CADPS: variants seen among roughly 807,000 people sequenced by gnomAD.
CADPS encodes calcium dependent secretion activator, also known as calcium-dependent secretion activator 1.
In CADPS, 57 loss-of-function variants were observed where a neutral mutation model predicts 167.3. That is an observed-to-expected ratio of 0.34 (90% CI 0.28 to 0.42). The LOEUF (loss-of-function observed/expected upper bound fraction) is 0.42, where lower values mean the gene tolerates loss of function less well. Ranked by LOEUF, CADPS falls within the 20% of genes least tolerant of loss-of-function variation. The pLI is 1.00. For synonymous variants in CADPS, 676 were observed against 635.3 expected, an observed-to-expected ratio of 1.06 and a Z score of -0.96; for missense variants, 1,414 against 1,738.1, an observed-to-expected ratio of 0.81 and a Z score of 3.32.
rs576180551 is a variant in CADPS, at chr3:62,529,673, G to A, written c.2291+3198C>T. 2.3e-3 allele frequency among the ~76,000 whole-genome samples: 355 copies of A among 152,244 alleles called. 3 individuals are homozygous for A. The highest frequency in any genetic ancestry group is 8.2e-3 in the African/African-American group (339 of 41,538). ...TTCTTTGACCTTCCCTATTGGACCC[G>A]CATATACTGATTGACAGCCTGCCAC... On this transcript the variant is annotated intron_variant, in intron 13 of 29. Transcript: ENST00000383710.
chr3:62,433,291 C>T lies in CADPS; in HGVS notation c.3777+4813G>A, dbSNP rs907114394. On this transcript the variant is annotated intron_variant, in intron 28 of 29. Transcript: ENST00000383710. This position sits in a 1 kb window ranked among gnomAD's most constrained non-coding sequence, Gnocchi z 4.7. ...CTAGTCACACTCAATTATTGTTCTG[C>T]CACACAAACTGGACAAATACACGAT... Among the ~76,000 whole-genome samples, 11 of 152,096 alleles carry T rather than the reference C, an allele frequency of 7.2e-5. No homozygotes were observed. Among genetic ancestry groups the T allele is most frequent in the African/African-American group, 2.4e-4 (10 of 41,414 alleles).
intron 6 of CADPS, among the ~76,000 whole-genome samples, chr3:62,644,440 T>G (rs1369639120): frequency 6.6e-6 from 1 of 152,172 alleles, no homozygotes; most frequent in Non-Finnish European, 1.5e-5. Context: ...ATTGCTCCTG[T>G]GGACCGCTGA....
At chr3:62,402,732 A>G (rs1706837735) in intron 29 of CADPS, among the ~76,000 whole-genome samples, 1 of 152,242 alleles carries the variant, frequency 6.6e-6, no homozygotes. Context: ...ATTTAATTAA[A>G]CTATAAATGA....
At chr3:62,566,750 C>T (rs2080289933) in intron 9 of CADPS, among the ~76,000 whole-genome samples, 1 of 152,246 alleles carries the variant, frequency 6.6e-6, no homozygotes, top group South Asian at 2.1e-4. Context: ...GGGACTCTCA[C>T]GTCACCTCTG....
At chr3:62,852,068 G>A (rs1294934192) in intron 1 of CADPS, among the ~76,000 whole-genome samples, 2 of 145,586 alleles carry the variant, frequency 1.4e-5, no homozygotes, top group East Asian at 2.0e-4. Context: ...TGATCGCATC[G>A]GCTCCTGAGG....
intron 18 of CADPS, among the ~76,000 whole-genome samples, chr3:62,496,667 G>C (rs990590319): frequency 6.6e-6 from 1 of 152,140 alleles, no homozygotes; most frequent in Non-Finnish European, 1.5e-5. Context: ...CACTTTACAG[G>C]ATGAGAGAAG....
rs186892642 is a variant in CADPS at position 62,601,763 on chromosome 3, G to A, written c.1326-9015C>T. Reference sequence around the variant, plus strand: ...GAGTAGCAGATGATTCATATTTAGGGGGATGGGGATGACTTTTAAAGTCAC... The same window carrying A: ...GAGTAGCAGATGATTCATATTTAGGAGGATGGGGATGACTTTTAAAGTCAC... On this transcript the variant is annotated intron_variant, in intron 6 of 29. Coordinates refer to ENST00000383710, the MANE Select transcript of CADPS (RefSeq NM_003716.4). This position sits in a 1 kb window ranked among gnomAD's most constrained non-coding sequence, Gnocchi z 4.3. Among the ~76,000 whole-genome samples the A allele has an allele frequency of 6.6e-6, 1 of 152,104 alleles. No homozygotes were observed. The highest frequency in any genetic ancestry group is 1.5e-5 in the Non-Finnish European group (1 of 68,018).
At chr3:62,521,525 C>T (rs1007542474) in intron 13 of CADPS, among the ~76,000 whole-genome samples, 1 of 152,170 alleles carries the variant, frequency 6.6e-6, no homozygotes, top group African/African-American at 2.4e-5. Context: ...TTAAAACTAG[C>T]TCTGCATCTT....
intron 3 of CADPS, among the ~76,000 whole-genome samples, chr3:62,703,402 G>T (rs1185976761): frequency 6.6e-6 from 1 of 152,112 alleles, no homozygotes; most frequent in South Asian, 2.1e-4. Context: ...GGTATTTTTT[G>T]ACTTCTAGTG....
At chr3:62,652,264 T>G (rs1026903994) in intron 4 of CADPS, among the ~76,000 whole-genome samples, 1 of 152,112 alleles carries the variant, frequency 6.6e-6, no homozygotes, top group African/African-American at 2.4e-5. Flanking sequence ...GCCATATTAC[T>G]GGCCAATTTC....
intron 1 of CADPS, among the ~76,000 whole-genome samples, chr3:62,843,475 T>C (rs2076922851): frequency 7.3e-6 from 1 of 136,486 alleles, no homozygotes; most frequent in Admixed American, 7.3e-5. Flanking sequence ...TAGTGATATA[T>C]ACAAGATGGC....
At chr3:62,813,839 A>T (rs2094494060) in intron 1 of CADPS, among the ~76,000 whole-genome samples, 1 of 152,176 alleles carries the variant, frequency 6.6e-6, no homozygotes, top group South Asian at 2.1e-4. Flanking sequence ...CAAGTGGCCA[A>T]CAAACAGCAG....
Position 62,492,365 on chromosome 3 carries a change from A to C in CADPS, c.2809T>G (p.Leu937Val). The change falls in exon 20 of 30, where the codon TTA becomes GTA. Residue 937 changes from leucine (L) to valine (V), a missense_variant. Leu to Val is a conservative substitution (Grantham distance 32). Around this residue, in one of 6 missense-constraint regions of CADPS, gnomAD observed 529 missense variants for 629.6 expected, o/e 0.84. Transcript: ENST00000383710. ...SLFAVDMDAALEVQPPDTWDS... is the reference protein window; with the variant it reads ...SLFAVDMDAAVEVQPPDTWDS... ...CATGTGTCTGGAGGTTGCACCTCTA[A>C]GGCTGCATCCATGTCTACTGCAAAG... is the stretch of plus-strand genomic sequence containing the variant. 6.2e-7 allele frequency: 1 copy of C among 1,613,862 alleles called. No individual in the cohort carries two copies. Among genetic ancestry groups the C allele is most frequent in the Non-Finnish European group, 8.5e-7 (1 of 1,179,712 alleles).
rs1457159055 is a variant in CADPS at position 62,536,565 on chromosome 3, T to C, written c.1983A>G (p.Gln661=). Residue 661 remains glutamine (Q), a synonymous_variant, in exon 12 of 30, where the codon CAA becomes CAG. Transcript: ENST00000383710. ...PISQFYADRA[Q]KHGMDEFISS... is the part of the protein sequence containing the mutation. ...AGATAAATTCATCCATGCCATGTTT[T>C]TGAGCTCTATCTGCGTCTGTTCATT... The C allele has an allele frequency of 1.2e-5, 20 of 1,613,232 alleles. No individual in the cohort carries two copies. Among genetic ancestry groups the C allele is most frequent in the Non-Finnish European group, 1.5e-5 (18 of 1,179,428 alleles).
intron 5 of CADPS, among the ~76,000 whole-genome samples, chr3:62,648,463 C>A (rs2069103239): frequency 6.6e-6 from 1 of 151,848 alleles, no homozygotes; most frequent in Admixed American, 6.6e-5. Flanking sequence ...GGATAGATGG[C>A]ATGAGTCCAG....
chr3:62,740,372 G>T (rs1001419801), intron 3 of CADPS, among the ~76,000 whole-genome samples: 1 of 152,118 alleles, frequency 6.6e-6, no homozygotes, highest in Non-Finnish European at 1.5e-5. Flanking sequence ...AAAGTTAAGG[G>T]GTTGAGAAGC....
At position 62,719,606 on chromosome 3, in the gene CADPS, C is replaced by T. The variant is rs546982531; in HGVS notation, c.888+33835G>A. On this transcript the variant is annotated intron_variant, in intron 3 of 29. Coordinates refer to ENST00000383710, the MANE Select transcript of CADPS (RefSeq NM_003716.4). ...AGATTCTCAGTGCCAAGCACAGTGC[C>T]CACCTTTAGCAAGGATTTGTTACAT... Among the ~76,000 whole-genome samples the T allele has an allele frequency of 7.2e-5, 11 of 152,310 alleles. No homozygotes were observed. The South Asian group carries it at 2.3e-3, about 32-fold the overall frequency.
chr3:62,629,598 A>G (rs964360193), intron 6 of CADPS, among the ~76,000 whole-genome samples: 1 of 152,210 alleles, frequency 6.6e-6, no homozygotes, highest in African/African-American at 2.4e-5. Context: ...CCCACAAAGT[A>G]ACCACCACCA....
At chr3:62,868,049 G>A (rs2082024902) in intron 1 of CADPS, among the ~76,000 whole-genome samples, 1 of 152,044 alleles carries the variant, frequency 6.6e-6, no homozygotes, top group African/African-American at 2.4e-5. Context: ...TCAATGCATT[G>A]GCTGAATTCA....
Sources: allele counts gnomAD v4.1 joint callset (sites outside exome capture counted in the v4.1 genomes callset), GRCh38; gene constraint gnomAD v4.1.1; regional missense constraint gnomAD v4.1.1; non-coding constraint Gnocchi (gnomAD v3.1); transcripts MANE v1.5; gene names NCBI Gene and HGNC (gene_info 2026-07-23, HGNC 2026-07-21).